CDH4: variants seen among roughly 807,000 people sequenced by gnomAD.
CDH4 encodes cadherin-4.
In CDH4, 33 loss-of-function variants were observed where a neutral mutation model predicts 86.0. The observed-to-expected ratio is 0.38, with a 90% CI of 0.29 to 0.51. CDH4 has a LOEUF of 0.51. Ranked by LOEUF, CDH4 falls within the 20% of genes least tolerant of loss-of-function variation. The pLI is 0.86. For missense variants in CDH4, 1,114 were observed against 1,307.4 expected (o/e 0.85, Z 2.28); for synonymous variants, 555 against 549.4 (o/e 1.01, Z -0.14).
At chr20:61,720,560 G>C (rs2088027657) in intron 2 of CDH4, among the ~76,000 whole-genome samples, 1 of 150,062 alleles carries the variant, frequency 6.7e-6, no homozygotes, top group South Asian at 2.1e-4. Context: ...GGGGTGCAGG[G>C]GTGCAGAGTA....
chr20:61,894,893 T>G lies in CDH4; in HGVS notation c.1051-17T>G. The G allele has an allele frequency of 6.2e-7, 1 of 1,603,122 alleles. No individual in the cohort carries two copies. Among genetic ancestry groups the G allele is most frequent in the Non-Finnish European group, 8.5e-7 (1 of 1,175,190 alleles). On this transcript the variant is annotated splice_polypyrimidine_tract_variant and intron_variant, in intron 7 of 15. Transcript: ENST00000614565. Reference sequence around the variant, plus strand: ...AACTGATTTTCTGTTCTTTCTCAACTGGTGTCTCCCTTCCAGAAAGTTCAG... The same window carrying G: ...AACTGATTTTCTGTTCTTTCTCAACGGGTGTCTCCCTTCCAGAAAGTTCAG...
In CDH4 at chr20:61,676,966, A is replaced by C. The variant is rs2087450918; in HGVS notation, c.170-66597A>C. Among the ~76,000 whole-genome samples, 2 of 152,142 alleles carry C rather than the reference A, an allele frequency of 1.3e-5. No individual in the cohort carries two copies. The highest frequency in any genetic ancestry group is 6.5e-5 in the Admixed American group (1 of 15,276). ...GACCAGCGGTCCAAGACCTTGGGGC[A>C]GGAGGGGCTGTGGTGTGGCCCCAGC... On this transcript the variant is annotated intron_variant, in intron 2 of 15. Transcript: ENST00000614565. The surrounding 1 kb of genome is among the most constrained non-coding windows in gnomAD (Gnocchi z 4.5).
rs141951220 is a variant in CDH4 at position 61,663,087 on chromosome 20, G to T, written c.170-80476G>T. 6.6e-6 allele frequency among the ~76,000 whole-genome samples: 1 copy of T among 152,286 alleles called. No homozygotes were observed. Among genetic ancestry groups the T allele is most frequent in the South Asian group, 2.1e-4 (1 of 4,820 alleles). ...GGTATTGATGACAATGCTGCCCAGC[G>T]CAGGCAGTGTCGACATGAAGCAAAC... On this transcript the variant is annotated intron_variant, in intron 2 of 15. Transcript: ENST00000614565. The surrounding 1 kb of genome is among the most constrained non-coding windows in gnomAD (Gnocchi z 5.0).
At chr20:61,566,447 G>A (rs1433379648) in intron 2 of CDH4, among the ~76,000 whole-genome samples, 5 of 152,096 alleles carry the variant, frequency 3.3e-5, no homozygotes, top group Middle Eastern at 3.2e-3. Context: ...TATTTACCAC[G>A]AGCCGGAGAC....
intron 5 of CDH4, 32 bp from the exon 6 acceptor site, chr20:61,852,722 G>A (rs755262550): frequency 5.9e-5 from 94 of 1,599,750 alleles, no homozygotes; most frequent in Non-Finnish European, 7.5e-5. Context: ...GTGCCCACCC[G>A]CCACTGGGCC....
At chr20:61,487,653 C>T (rs2085603806) in intron 2 of CDH4, among the ~76,000 whole-genome samples, 1 of 152,202 alleles carries the variant, frequency 6.6e-6, no homozygotes, top group African/African-American at 2.4e-5. Context: ...TCTGACAAGA[C>T]AACCCTTCAG....
intron 2 of CDH4, among the ~76,000 whole-genome samples, chr20:61,335,485 C>T (rs1385675667): frequency 2.6e-5 from 4 of 152,194 alleles, no homozygotes; most frequent in East Asian, 3.9e-4. Flanking sequence ...CCTTCCAGGG[C>T]AAGGTGGTCT....
chr20:61,872,253 G>T (rs1304914593), intron 6 of CDH4, among the ~76,000 whole-genome samples: 2 of 152,094 alleles, frequency 1.3e-5, no homozygotes, highest in African/African-American at 4.8e-5. Context: ...TCCCACAGAG[G>T]ACATAGACAA....
intron 2 of CDH4, among the ~76,000 whole-genome samples, chr20:61,656,470 G>A (rs553144064): frequency 4.6e-5 from 7 of 152,084 alleles, no homozygotes; most frequent in East Asian, 1.9e-4. Flanking sequence ...GGACAGGTGC[G>A]TGTTGGGGTG....
At position 61,501,782 on chromosome 20, in the gene CDH4, A is replaced by G. The variant is rs1432076161; in HGVS notation, c.170-241781A>G. The stretch of plus-strand genomic sequence containing the variant: ...GCCACTCATTATGGGACGGACCACC[A>G]GACGCGACTAATGAAACTTTTCTGT... On this transcript the variant is annotated intron_variant, in intron 2 of 15. Transcript: ENST00000614565. This position sits in a 1 kb window ranked among gnomAD's most constrained non-coding sequence, Gnocchi z 4.2. Among the ~76,000 whole-genome samples the G allele has an allele frequency of 6.6e-6, 1 of 152,176 alleles. No homozygotes were observed. Among genetic ancestry groups the G allele is most frequent in the Non-Finnish European group, 1.5e-5 (1 of 68,030 alleles).
chr20:61,517,295 C>T lies in CDH4; in HGVS notation c.170-226268C>T, dbSNP rs539500764. Among the ~76,000 whole-genome samples, 15 of 152,312 alleles carry T rather than the reference C, an allele frequency of 9.8e-5. No individual in the cohort carries two copies. Among genetic ancestry groups the T allele is most frequent in the African/African-American group, 2.2e-4 (9 of 41,572 alleles). The stretch of plus-strand genomic sequence containing the variant: ...GCAGCCGCCAACTCCTGGGCTCAAG[C>T]GATCCTCCCACCTCCTGTGGGGCTG... On this transcript the variant is annotated intron_variant, in intron 2 of 15. Coordinates refer to ENST00000614565, the MANE Select transcript of CDH4 (RefSeq NM_001794.5). The surrounding 1 kb of genome is among the most constrained non-coding windows in gnomAD (Gnocchi z 6.6).
At chr20:61,755,367 ACCACAC>A (rs2088550241) in intron 3 of CDH4, among the ~76,000 whole-genome samples, 1 of 141,846 alleles carries the variant, frequency 7.0e-6, no homozygotes, top group Non-Finnish European at 1.5e-5. Flanking sequence ...TGCCACACAC[ACCACAC>A]ACACACACAC....
At chr20:61,914,995 C>G (rs902689193) in intron 9 of CDH4, among the ~76,000 whole-genome samples, 59 of 152,166 alleles carry the variant, frequency 3.9e-4, no homozygotes, top group African/African-American at 1.4e-3. Flanking sequence ...TCAGGCCAGG[C>G]CCCAATGTGA....
At chr20:61,864,181 A>T (rs866693950) in intron 6 of CDH4, among the ~76,000 whole-genome samples, 16 of 152,178 alleles carry the variant, frequency 1.1e-4, no homozygotes, top group African/African-American at 3.9e-4. Context: ...CCCAAGTTGG[A>T]CGGTGCCCCA....
chr20:61,415,625 G>A (rs187702810), intron 2 of CDH4, among the ~76,000 whole-genome samples: 16 of 152,104 alleles, frequency 1.1e-4, no homozygotes, highest in African/African-American at 3.9e-4. Context: ...GAATCATACC[G>A]TATTTGTCCT....
Position 61,744,829 on chromosome 20 carries a change from C to T in CDH4, c.396+1040C>T, listed in dbSNP as rs2088394095. ...CCCCAGTTCTAGCTGTTAGGTTCCC[C>T]GTGCCTGACGGGGAAGTGGCCAGGT... On this transcript the variant is annotated intron_variant, in intron 3 of 15. Transcript: ENST00000614565. 2.0e-5 allele frequency among the ~76,000 whole-genome samples: 3 copies of T among 152,190 alleles called. No individual in the cohort carries two copies. In the South Asian group the frequency reaches 6.2e-4, roughly 32 times the overall value.
chr20:61,328,623 A>C (rs2084550604), intron 2 of CDH4, among the ~76,000 whole-genome samples: 1 of 152,094 alleles, frequency 6.6e-6, no homozygotes, highest in Non-Finnish European at 1.5e-5. Flanking sequence ...ATCTTTACTA[A>C]AAATAAAAAA....
chr20:61,922,411 G>A (rs761033584), intron 9 of CDH4, among the ~76,000 whole-genome samples: 7 of 152,152 alleles, frequency 4.6e-5, no homozygotes, highest in Non-Finnish European at 1.0e-4. Flanking sequence ...ATCAGCCAGG[G>A]TCCTGGTGCA....
At chr20:61,634,360 G>A (rs1016659730) in intron 2 of CDH4, among the ~76,000 whole-genome samples, 9 of 152,188 alleles carry the variant, frequency 5.9e-5, no homozygotes, top group Non-Finnish European at 1.0e-4. Context: ...AGACAGTCCC[G>A]TGGAGCTCGG....
Sources: gnomAD v4.1 joint callset for allele counts (sites outside exome capture counted in the v4.1 genomes callset) on GRCh38, gnomAD v4.1.1 for gene constraint, Gnocchi (gnomAD v3.1) non-coding constraint, MANE v1.5 for transcripts, NCBI Gene and HGNC (gene_info 2026-07-23, HGNC 2026-07-21) for gene names.